The following COL1A2 variants were observed in gnomAD, a reference collection of about 807,000 sequenced individuals.
COL1A2 encodes collagen type I alpha 2 chain, also known as collagen alpha-2(I) chain.
COL1A2 carries 49 observed loss-of-function variants against 174.3 expected under a neutral mutation model. The ratio of observed to expected loss-of-function variants is 0.28; its 90% CI spans 0.22 to 0.36. COL1A2 has a LOEUF of 0.36. Among genes scored for constraint, COL1A2 ranks in the 10% least tolerant of loss-of-function variants. The pLI is 1.00. For synonymous variants in COL1A2, 655 were observed against 606.6 expected (o/e 1.08, Z -1.17); for missense variants, 1,438 against 1,822.7 (o/e 0.79, Z 3.84).
Position 94,410,459 on chromosome 7 carries a change from G to A in COL1A2, c.1129G>A (p.Glu377Lys). 6.4e-7 allele frequency: 1 copy of A among 1,551,012 alleles called. No individual in the cohort carries two copies. The highest frequency in any genetic ancestry group is 1.2e-5 in the South Asian group (1 of 84,032). The change falls in exon 21 of 52, where the codon GAA becomes AAA. Residue 377 changes from glutamate (E) to lysine (K), a missense_variant. Glu to Lys is a moderately conservative substitution (Grantham distance 56). Around this residue, in one of 3 missense-constraint regions of COL1A2, gnomAD observed 867 missense variants for 1,213.7 expected, o/e 0.71. Transcript: ENST00000297268. ...GPQGPPGPSG[E>K]EGKRGPNGEA... ...CCAAGGTCCTCCTGGTCCCAGTGGT[G>A]AAGAAGGAAAGAGAGGCCCTAATGG...
At chr7:94,429,462 G>A (rs200519176) in intron 51 of COL1A2, 32 bp downstream of exon 51, 1 of 1,611,908 alleles carries the variant, frequency 6.2e-7, no homozygotes, top group South Asian at 1.1e-5. Flanking sequence ...GAATAGCTTT[G>A]GGAAGTGGGA....
At chr7:94,426,708 T>C in intron 46 of COL1A2, 178 bp downstream of exon 46, 2 of 689,384 alleles carry the variant, frequency 2.9e-6, no homozygotes, top group Admixed American at 4.3e-5. Flanking sequence ...ACATGAAAGG[T>C]GAGGATTAAG....
At chr7:94,399,939 A>G (rs1791654680) in intron 4 of COL1A2, 2 of 554,220 alleles carry the variant, frequency 3.6e-6, no homozygotes, top group South Asian at 3.8e-5. Context: ...ATATTTGAAT[A>G]CTGGAGCTTC....
intron 31 of COL1A2, 178 bp downstream of exon 31, chr7:94,416,681 A>G: frequency 1.7e-6 from 1 of 601,838 alleles, no homozygotes; most frequent in South Asian, 2.1e-5. Flanking sequence ...CTAAACAAAC[A>G]AACAATAGCA....
chr7:94,418,591 A>AT (rs3216182), intron 33 of COL1A2, 39 bp downstream of exon 33: 2,986 of 1,464,666 alleles, frequency 2.0e-3, no homozygotes, highest in Non-Finnish European at 2.3e-3. Flanking sequence ...TCGTACTTGG[A>AT]TTTTTTTTTT....
At chr7:94,407,815 A>G in intron 12 of COL1A2, 32 bp from the exon 13 acceptor site, 1 of 1,608,304 alleles carries the variant, frequency 6.2e-7, no homozygotes. Flanking sequence ...TGTTATATTT[A>G]ATGAACAAAA....
rs1009253556 is a variant in COL1A2 at position 94,429,509 on chromosome 7, G to C, written c.3954+79G>C. ...CTAACTTAGACTGCCCCCAAGGGGG[G>C]GTCTAAAGGGGGGTTAAAAGAACAG... is the stretch of plus-strand genomic sequence containing the variant. On this transcript the variant is annotated intron_variant, in intron 51 of 51. Transcript: ENST00000297268. 2.0e-5 allele frequency: 30 copies of C among 1,504,620 alleles called. No homozygotes were observed. The East Asian group carries it at 5.2e-4, about 26-fold the overall frequency. The allele number at this position is 1,504,620 out of a possible 1,614,324, so 93.2% of individuals were successfully genotyped here.
At position 94,415,901 on chromosome 7, in the gene COL1A2, CAT is replaced by C. The variant is rs200577322; in HGVS notation, c.1765-492_1765-491del. ...ATTGGGAGATATTTAGATAGACAGA[CAT>C]ATATATATATACACAAATACATATA... On this transcript the variant is annotated intron_variant, in intron 30 of 51. Coordinates refer to ENST00000297268, the MANE Select transcript of COL1A2 (RefSeq NM_000089.4). Among the ~76,000 whole-genome samples, 271 of 151,294 alleles carry C rather than the reference CAT, an allele frequency of 1.8e-3. 2 individuals are homozygous for C. Among genetic ancestry groups the C allele is most frequent in the African/African-American group, 6.3e-3 (259 of 41,274 alleles).
At chr7:94,400,309 C>G (rs1169785973) in intron 5 of COL1A2, 21 bp downstream of exon 5, 2 of 1,603,336 alleles carry the variant, frequency 1.2e-6, no homozygotes, top group South Asian at 1.1e-5. Context: ...TTACGTATTG[C>G]TAACTTTTAG....
At chr7:94,421,361 C>G in intron 38 of COL1A2, 1 of 473,030 alleles carries the variant, frequency 2.1e-6, no homozygotes, top group Non-Finnish European at 3.8e-6. Context: ...TCTGCCTGAC[C>G]ATGTCCTTCT....
intron 51 of COL1A2, 65 bp from the exon 52 acceptor site, chr7:94,430,182 G>T: frequency 6.7e-7 from 1 of 1,499,840 alleles, no homozygotes; most frequent in Non-Finnish European, 9.3e-7. Context: ...TAAATCAAAG[G>T]TTCAGATATT....
At chr7:94,427,915 C>A (rs781014864) in intron 49 of COL1A2, 30 bp downstream of exon 49, 2 of 1,612,112 alleles carry the variant, frequency 1.2e-6, no homozygotes, top group Non-Finnish European at 1.7e-6. Flanking sequence ...CCAGACTGAC[C>A]CTTCTCACAA....
chr7:94,419,892 A>T (rs955407871), intron 34 of COL1A2, among the ~76,000 whole-genome samples: 33 of 152,224 alleles, frequency 2.2e-4, no homozygotes, highest in African/African-American at 7.2e-4. Context: ...CCCATTTCAC[A>T]TTGAACTCTC....
At chr7:94,415,509 A>G (rs866063607) in intron 30 of COL1A2, among the ~76,000 whole-genome samples, 5 of 152,184 alleles carry the variant, frequency 3.3e-5, no homozygotes, top group Non-Finnish European at 7.4e-5. Flanking sequence ...AATATATATT[A>G]TAGTCAGTGA....
intron 3 of COL1A2, among the ~76,000 whole-genome samples, 182 bp from the exon 4 acceptor site, chr7:94,398,867 G>A (rs532646079): frequency 2.6e-5 from 4 of 151,984 alleles, no homozygotes; most frequent in South Asian, 4.2e-4. Flanking sequence ...AAAAAATTAC[G>A]TATAATTACA....
chr7:94,423,069 C>G lies in COL1A2; in HGVS notation c.2516C>G (p.Pro839Arg), dbSNP rs1792201635. ...GRTGEVGAVG[P>R]PGFAGEKGPS... is the part of the protein sequence containing the mutation. Reference sequence around the variant, plus strand: ...ACTGGAGAAGTAGGTGCAGTTGGTCCCCCTGGCTTCGCTGGTGAGAAGGGT... The same window carrying G: ...ACTGGAGAAGTAGGTGCAGTTGGTCGCCCTGGCTTCGCTGGTGAGAAGGGT... Residue 839 changes from proline to arginine, a missense_variant, in exon 40 of 52, where the codon CCC becomes CGC. By Grantham distance (103) the Pro-to-Arg change is moderately radical. Coordinates refer to ENST00000297268, the MANE Select transcript of COL1A2 (RefSeq NM_000089.4). 5 of 1,614,142 alleles carry G rather than the reference C, an allele frequency of 3.1e-6. No homozygotes were observed. Among genetic ancestry groups the G allele is most frequent in the Non-Finnish European group, 4.2e-6 (5 of 1,180,022 alleles).
At chr7:94,421,437 C>G (rs1792160135) in intron 38 of COL1A2, 1 of 389,322 alleles carries the variant, frequency 2.6e-6, no homozygotes, top group African/African-American at 2.0e-5. Context: ...ATGAACTTTA[C>G]TGACTTCTTC....
rs1186655054 is a variant in COL1A2 at position 94,429,499 on chromosome 7, C to T, written c.3954+69C>T. 7 of 1,579,904 alleles carry T rather than the reference C, an allele frequency of 4.4e-6. No individual in the cohort carries two copies. In the East Asian group the frequency reaches 1.3e-4, roughly 30 times the overall value. On this transcript the variant is annotated intron_variant, in intron 51 of 51. Coordinates refer to ENST00000297268, the MANE Select transcript of COL1A2 (RefSeq NM_000089.4). ...GGAGGGGGTTCTAACTTAGACTGCC[C>T]CCAAGGGGGGGTCTAAAGGGGGGTT...
Position 94,429,114 on chromosome 7 carries a change from T to C in COL1A2, c.3712-74T>C. On this transcript the variant is annotated intron_variant, in intron 50 of 51. Transcript: ENST00000297268. ...TCCTGAGATCTTTTTTTTTCTTTTT[T>C]TTTTTTTTCATGTTTGACTCTTAGT... 2.5e-6 allele frequency: 3 copies of C among 1,209,526 alleles called. 1 individual carries two copies. The South Asian group carries it at 4.3e-5, about 17-fold the overall frequency. The allele number at this position is 1,209,526 out of a possible 1,614,324, so 74.9% of individuals were successfully genotyped here.
Sources: gnomAD v4.1 joint callset for allele counts (sites outside exome capture counted in the v4.1 genomes callset) on GRCh38, gnomAD v4.1.1 for gene constraint, gnomAD v4.1.1 regional missense constraint, MANE v1.5 for transcripts, NCBI Gene and HGNC (gene_info 2026-07-23, HGNC 2026-07-21) for gene names.